Variants in ZNF407 observed in about 807,000 individuals in gnomAD.
ZNF407 encodes the protein zinc finger protein 407.
A neutral mutation model predicts 131.2 loss-of-function variants in ZNF407; 17 were observed. The ratio of observed to expected loss-of-function variants is 0.13; its 90% CI spans 0.09 to 0.19. ZNF407 has a LOEUF of 0.19. ZNF407 is among the 10% of genes least tolerant of loss of function. The probability of loss-of-function intolerance (pLI) is 1.00; values close to 1 mark genes in which losing one functional copy is unlikely to be tolerated. For missense variants in ZNF407, 2,681 were observed against 2,830.6 expected (o/e 0.95, Z 1.20); for synonymous variants, 1,156 against 1,062.0 (o/e 1.09, Z -1.72).
At chr18:74,702,374 C>T (rs1967518622) in intron 3 of ZNF407, among the ~76,000 whole-genome samples, 2 of 152,042 alleles carry the variant, frequency 1.3e-5, no homozygotes, top group Non-Finnish European at 2.9e-5. Context: ...ATCTTTTATA[C>T]AATAGCTGAA....
chr18:75,064,772 G>A lies in ZNF407; in HGVS notation c.*304G>A, dbSNP rs575262354. ...AGTGGCCTCCCGCTTCGTCCTGGCC[G>A]CTGTGCTGAAGAGAAGCCAAGTGTT... is the stretch of plus-strand genomic sequence containing the variant. On this transcript the variant is annotated 3_prime_UTR_variant, in exon 9 of 9. Coordinates refer to ENST00000299687, the MANE Select transcript of ZNF407 (RefSeq NM_017757.3). 9.1e-5 allele frequency: 28 copies of A among 308,658 alleles called. No individual in the cohort carries two copies. The East Asian group carries it at 1.1e-3, about 12-fold the overall frequency. 19.1% of individuals were successfully genotyped at this position (308,658 alleles called of 1,614,324 possible). A position where few individuals can be genotyped will look rare whatever the true frequency, so the allele number is the denominator to read the frequency against.
At chr18:74,813,762 C>T (rs2145092068) in intron 4 of ZNF407, among the ~76,000 whole-genome samples, 1 of 152,286 alleles carries the variant, frequency 6.6e-6, no homozygotes, top group South Asian at 2.1e-4. Context: ...CCACAGCTTA[C>T]TCAGTATCTT....
intron 4 of ZNF407, among the ~76,000 whole-genome samples, chr18:74,866,209 T>A (rs1197845319): frequency 6.6e-6 from 1 of 152,184 alleles, no homozygotes; most frequent in African/African-American, 2.4e-5. Context: ...TAAAATCGCA[T>A]CTTGGTGATG....
intron 7 of ZNF407, among the ~76,000 whole-genome samples, chr18:74,897,595 G>A (rs2145204360): frequency 6.6e-6 from 1 of 152,242 alleles, no homozygotes; most frequent in South Asian, 2.1e-4. Context: ...TATATATTGT[G>A]GAAGAAAGAA....
Position 74,750,005 on chromosome 18 carries a change from A to G in ZNF407, c.4803-31423A>G, listed in dbSNP as rs957177489. ...AAAGTATGAGGTTGGTGCAAGGGTCACAGTTTTGTCCATGAAAGTCCTTTC... is the reference window on the plus strand; with the variant it reads ...AAAGTATGAGGTTGGTGCAAGGGTCGCAGTTTTGTCCATGAAAGTCCTTTC... On this transcript the variant is annotated intron_variant, in intron 3 of 8. Coordinates refer to ENST00000299687, the MANE Select transcript of ZNF407 (RefSeq NM_017757.3). 9.8e-5 allele frequency among the ~76,000 whole-genome samples: 15 copies of G among 152,316 alleles called. 1 individual carries two copies. The South Asian group carries it at 3.1e-3, about 32-fold the overall frequency.
intron 4 of ZNF407, among the ~76,000 whole-genome samples, chr18:74,853,241 T>A (rs908117589): frequency 6.6e-6 from 1 of 152,266 alleles, no homozygotes; most frequent in African/African-American, 2.4e-5. Flanking sequence ...ATAAATATTG[T>A]GATTTCTGAG....
intron 8 of ZNF407, among the ~76,000 whole-genome samples, chr18:74,999,348 TAAAAAAAAAAAA>T (rs71170334): frequency 3.5e-4 from 21 of 60,486 alleles, no homozygotes; most frequent in African/African-American, 9.7e-4. Flanking sequence ...TAGAGTATAA[TAAAAAAAAAAAA>T]AAAAAAAAAA....
intron 3 of ZNF407, among the ~76,000 whole-genome samples, chr18:74,651,067 C>T (rs1167930581): frequency 6.6e-6 from 1 of 151,874 alleles, no homozygotes; most frequent in Non-Finnish European, 1.5e-5. Flanking sequence ...CCATTTAAGT[C>T]TTTCTGGGTT....
chr18:74,978,900 T>C (rs1972556995), intron 8 of ZNF407, among the ~76,000 whole-genome samples: 1 of 152,110 alleles, frequency 6.6e-6, no homozygotes, highest in Non-Finnish European at 1.5e-5. Flanking sequence ...GATGACAATG[T>C]GCAGGGAGCT....
chr18:75,035,446 A>T (rs1477452891), intron 8 of ZNF407, among the ~76,000 whole-genome samples: 1 of 152,232 alleles, frequency 6.6e-6, no homozygotes, highest in Admixed American at 6.5e-5. Flanking sequence ...TTTAGTGATG[A>T]TGATTGACGT....
chr18:74,732,062 G>GTTA (rs1454928080), intron 3 of ZNF407, among the ~76,000 whole-genome samples: 2 of 152,148 alleles, frequency 1.3e-5, no homozygotes, highest in East Asian at 3.8e-4. Flanking sequence ...TAGGTTTTCA[G>GTTA]TTATATCAGA....
chr18:74,756,142 TC>T lies in ZNF407; in HGVS notation c.4803-25285del, dbSNP rs199675309. Among the ~76,000 whole-genome samples the T allele has an allele frequency of 8.0e-3, 1,220 of 151,994 alleles. 22 individuals carry two copies. Among genetic ancestry groups the T allele is most frequent in the African/African-American group, 0.028 (1,161 of 41,458 alleles). ...CTCCTGACCTCATGATGTGCTCACG[TC>T]AGCCTCCCAAAGTCCTGGCATTACA... On this transcript the variant is annotated intron_variant, in intron 3 of 8. Transcript: ENST00000299687.
At chr18:74,910,594 T>C (rs1971656567) in intron 7 of ZNF407, among the ~76,000 whole-genome samples, 1 of 152,184 alleles carries the variant, frequency 6.6e-6, no homozygotes, top group Admixed American at 6.5e-5. Context: ...GAAGCCTCTT[T>C]AACTTATCAC....
chr18:75,004,195 C>T (rs77684489), intron 8 of ZNF407, among the ~76,000 whole-genome samples: 23 of 152,228 alleles, frequency 1.5e-4, no homozygotes, highest in Non-Finnish European at 3.1e-4. Context: ...GTCGTAGCAC[C>T]GGTGTTAAGT....
At chr18:74,799,792 T>A (rs1969986311) in intron 4 of ZNF407, among the ~76,000 whole-genome samples, 1 of 151,970 alleles carries the variant, frequency 6.6e-6, no homozygotes, top group Admixed American at 6.6e-5. Context: ...ATCCTACAAG[T>A]AGCAATAGGA....
chr18:74,683,434 G>GTT (rs1568165138), intron 3 of ZNF407, among the ~76,000 whole-genome samples: 1 of 152,084 alleles, frequency 6.6e-6, no homozygotes, highest in Non-Finnish European at 1.5e-5. Context: ...GGTGGTTTGT[G>GTT]TTTGGTTTCT....
At chr18:74,671,816 C>T (rs1434396186) in intron 3 of ZNF407, among the ~76,000 whole-genome samples, 1 of 152,176 alleles carries the variant, frequency 6.6e-6, no homozygotes, top group East Asian at 1.9e-4. Context: ...ATTGTACTGC[C>T]TCCCACAGAC....
chr18:74,789,017 T>C (rs1969774906), intron 4 of ZNF407, among the ~76,000 whole-genome samples: 1 of 152,166 alleles, frequency 6.6e-6, no homozygotes, highest in Non-Finnish European at 1.5e-5. Context: ...CATTGACTAC[T>C]ATGTTCGAAG....
chr18:74,877,106 C>T (rs1319306088), intron 4 of ZNF407, 91 bp from the exon 5 acceptor site: 1 of 1,130,882 alleles, frequency 8.8e-7, no homozygotes, highest in Admixed American at 1.8e-5. Context: ...TGCGTGTGCA[C>T]CGCACCTCAG....
Sources: allele counts gnomAD v4.1 joint callset (sites outside exome capture counted in the v4.1 genomes callset), GRCh38; gene constraint gnomAD v4.1.1; transcripts MANE v1.5; gene names NCBI Gene and HGNC (gene_info 2026-07-23, HGNC 2026-07-21).